Variants in FTCDNL1 observed in about 807,000 individuals in gnomAD.
FTCDNL1 encodes formiminotransferase cyclodeaminase N-terminal like, also known as formiminotransferase N-terminal subdomain-containing protein.
In FTCDNL1, 11 loss-of-function variants were observed where a neutral mutation model predicts 5.9. The observed-to-expected ratio is 1.87, with a 90% CI of 1.18 to 3.10. The LOEUF (loss-of-function observed/expected upper bound fraction) is 3.10. FTCDNL1 is among the 30% of genes most tolerant of loss of function. FTCDNL1 has a pLI of 0.00. For missense variants in FTCDNL1, 115 were observed against 65.5 expected, an observed-to-expected ratio of 1.76 and a Z score of -2.61; for synonymous variants, 58 against 24.8, an observed-to-expected ratio of 2.34 and a Z score of -3.99.
chr2:199,750,190 T>TAA, the FTCDNL1 span, among the ~76,000 whole-genome samples: 1 of 148,804 alleles, frequency 6.7e-6, no homozygotes, highest in African/African-American at 2.5e-5. Context: ...CCCCTCTCTA[T>TAA]AAAAAAAAAT....
intron 2 of FTCDNL1, 90 bp downstream of exon 2, chr2:199,848,754 GAAAA>G (rs1448489795): frequency 3.4e-6 from 2 of 593,804 alleles, no homozygotes; most frequent in East Asian, 2.8e-5. Context: ...AAGAAAGAAA[GAAAA>G]GTGTTCTGTA....
At chr2:199,764,094 AG>A (rs1257729987) in intron 3 of FTCDNL1, among the ~76,000 whole-genome samples, 1 of 152,170 alleles carries the variant, frequency 6.6e-6, no homozygotes, top group Non-Finnish European at 1.5e-5. Context: ...CATCCGCTTC[AG>A]CCTCCCAAAG....
the FTCDNL1 span, among the ~76,000 whole-genome samples, chr2:199,726,425 C>T: frequency 6.6e-6 from 1 of 152,152 alleles, no homozygotes; most frequent in Non-Finnish European, 1.5e-5. Context: ...AGTTCTGTGC[C>T]CTTGCTGGAG....
chr2:199,691,752 A>G, the FTCDNL1 span, among the ~76,000 whole-genome samples: 13 of 152,218 alleles, frequency 8.5e-5, no homozygotes, highest in Non-Finnish European at 1.5e-4. Context: ...GGTAGCAAAT[A>G]TAGCTCTGTG....
chr2:199,726,035 G>A, the FTCDNL1 span, among the ~76,000 whole-genome samples: 12 of 151,774 alleles, frequency 7.9e-5, no homozygotes, highest in Non-Finnish European at 1.6e-4. Context: ...TCATTCATAG[G>A]TTAGGTCTTT....
At chr2:199,760,797 G>A (rs751318718) in exon 4 of FTCDNL1, 53 of 702,188 alleles carry the variant, frequency 7.5e-5, no homozygotes, top group South Asian at 3.8e-4. Context: ...TGTCGACCTC[G>A]CAACAGCACT....
the FTCDNL1 span, among the ~76,000 whole-genome samples, chr2:199,710,552 T>C: frequency 2.0e-5 from 3 of 152,144 alleles, no homozygotes; most frequent in Non-Finnish European, 4.4e-5. Flanking sequence ...AACATAATTA[T>C]CACAAAATAA....
At chr2:199,798,277 T>C (rs1216923231) in intron 3 of FTCDNL1, among the ~76,000 whole-genome samples, 1 of 152,212 alleles carries the variant, frequency 6.6e-6, no homozygotes, top group African/African-American at 2.4e-5. Flanking sequence ...CATTAATTTA[T>C]TTAGCAAAGG....
chr2:199,713,803 C>A, the FTCDNL1 span, among the ~76,000 whole-genome samples: 1 of 152,160 alleles, frequency 6.6e-6, no homozygotes, highest in Non-Finnish European at 1.5e-5. Context: ...TGCCTTTCTT[C>A]TAATTCCATT....
At chr2:199,833,762 C>T (rs1297733363) in intron 3 of FTCDNL1, among the ~76,000 whole-genome samples, 1 of 152,186 alleles carries the variant, frequency 6.6e-6, no homozygotes. Flanking sequence ...ACACAATAAT[C>T]TCTCAGTGGT....
At chr2:199,724,870 G>T in the FTCDNL1 span, among the ~76,000 whole-genome samples, 3 of 151,998 alleles carry the variant, frequency 2.0e-5, no homozygotes, top group Non-Finnish European at 4.4e-5. Context: ...TTGTTTTTGG[G>T]TAGAGAGTTC....
intron 3 of FTCDNL1, among the ~76,000 whole-genome samples, chr2:199,822,338 A>T (rs992992504): frequency 6.6e-6 from 1 of 152,226 alleles, no homozygotes; most frequent in Admixed American, 6.5e-5. Flanking sequence ...TGGAAGGTCA[A>T]GGCTGCAATG....
At chr2:199,825,977 G>A (rs1702005433) in intron 3 of FTCDNL1, among the ~76,000 whole-genome samples, 1 of 152,154 alleles carries the variant, frequency 6.6e-6, no homozygotes, top group South Asian at 2.1e-4. Flanking sequence ...TCACATGTAT[G>A]TGCTCCAGCC....
intron 3 of FTCDNL1, among the ~76,000 whole-genome samples, chr2:199,832,631 G>A (rs1351566556): frequency 3.3e-5 from 5 of 152,114 alleles, no homozygotes; most frequent in Non-Finnish European, 7.4e-5. Context: ...CCTTTTCTCA[G>A]AAGGTACCTT....
chr2:199,817,982 A>G (rs1467983843), intron 4 of FTCDNL1, among the ~76,000 whole-genome samples: 1 of 152,216 alleles, frequency 6.6e-6, no homozygotes, highest in Non-Finnish European at 1.5e-5. Flanking sequence ...TCTTTAACTC[A>G]CATATGATTT....
At chr2:199,777,867 G>A (rs1459253660) in intron 3 of FTCDNL1, among the ~76,000 whole-genome samples, 1 of 152,086 alleles carries the variant, frequency 6.6e-6, no homozygotes. Context: ...TTCTTATCCT[G>A]CATGTCTAAA....
At chr2:199,798,876 C>A (rs961254843) in intron 3 of FTCDNL1, among the ~76,000 whole-genome samples, 1 of 152,186 alleles carries the variant, frequency 6.6e-6, no homozygotes, top group African/African-American at 2.4e-5. Flanking sequence ...ATGCTGAAAG[C>A]CCCACATTGT....
At chr2:199,772,087 C>T (rs1574464655) in intron 3 of FTCDNL1, among the ~76,000 whole-genome samples, 2 of 152,292 alleles carry the variant, frequency 1.3e-5, no homozygotes, top group East Asian at 1.9e-4. Context: ...TAAACACAAA[C>T]ACTGCGATAC....
intron 3 of FTCDNL1, among the ~76,000 whole-genome samples, chr2:199,834,830 C>T (rs578234456): frequency 6.6e-6 from 1 of 152,270 alleles, no homozygotes; most frequent in South Asian, 2.1e-4. Context: ...AATTTCGTTG[C>T]TACGTTATAT....
Sources: allele counts gnomAD v4.1 joint callset (sites outside exome capture counted in the v4.1 genomes callset), GRCh38; gene constraint gnomAD v4.1.1; transcripts MANE v1.5; gene names NCBI Gene and HGNC (gene_info 2026-07-23, HGNC 2026-07-21).